The following SLC6A13 variants were observed in gnomAD, a reference collection of about 807,000 sequenced individuals.
SLC6A13 encodes the protein solute carrier family 6 member 13.
In SLC6A13, 69 loss-of-function variants were observed where a neutral mutation model predicts 72.9. The observed-to-expected ratio is 0.95, with a 90% CI of 0.78 to 1.16. SLC6A13 has a LOEUF of 1.16. SLC6A13 is among the 50% of genes most tolerant of loss of function. SLC6A13 has a pLI of 0.00. For synonymous variants in SLC6A13, 303 were observed against 303.0 expected (o/e 1.00, Z 0.00); for missense variants, 735 against 760.5 (o/e 0.97, Z 0.39).
chr12:242,823 A>G, intron 3 of SLC6A13, 69 bp from the exon 4 acceptor site: 1 of 1,453,356 alleles, frequency 6.9e-7, no homozygotes, highest in East Asian at 2.5e-5. Flanking sequence ...CATTTCAGCT[A>G]TGCGGGACGC....
chr12:246,620 T>C (rs963953156), intron 2 of SLC6A13, among the ~76,000 whole-genome samples: 4 of 152,118 alleles, frequency 2.6e-5, no homozygotes, highest in East Asian at 1.9e-4. Flanking sequence ...AAGAAATACA[T>C]TGGATGGGAT....
chr12:227,327 C>T (rs552685321), intron 8 of SLC6A13, among the ~76,000 whole-genome samples: 5 of 152,334 alleles, frequency 3.3e-5, no homozygotes, highest in African/African-American at 9.6e-5. Context: ...AGGCCAGGCA[C>T]CCCTGCTGTG....
chr12:248,709 A>G (rs940182834), intron 2 of SLC6A13, among the ~76,000 whole-genome samples: 13 of 152,218 alleles, frequency 8.5e-5, no homozygotes, highest in African/African-American at 3.1e-4. Flanking sequence ...GCCCTCTCTC[A>G]ATAATTTATA....
intron 11 of SLC6A13, 48 bp downstream of exon 11, chr12:223,944 T>C (rs1482756725): frequency 6.2e-7 from 1 of 1,607,806 alleles, no homozygotes; most frequent in Non-Finnish European, 8.5e-7. Flanking sequence ...GTAGCAGCTG[T>C]CACTTGGCTC....
chr12:259,016 CTATTTA>C (rs1942838797), intron 2 of SLC6A13: 1 of 769,242 alleles, frequency 1.3e-6, no homozygotes, highest in Admixed American at 6.3e-5. Flanking sequence ...AGCAGAGCTA[CTATTTA>C]TTACTTAAGA....
At chr12:221,112 G>A (rs1411203167) in intron 14 of SLC6A13, 42 bp from the exon 15 acceptor site, 2 of 1,549,270 alleles carry the variant, frequency 1.3e-6, no homozygotes, top group East Asian at 2.3e-5. Flanking sequence ...GTGGAGCGGG[G>A]GCAGGTCTGC....
intron 4 of SLC6A13, among the ~76,000 whole-genome samples, chr12:241,867 C>T (rs920232093): frequency 6.6e-6 from 1 of 152,248 alleles, no homozygotes; most frequent in Non-Finnish European, 1.5e-5. Context: ...CTTCAGCCAA[C>T]AGTGGATCAC....
intron 4 of SLC6A13, among the ~76,000 whole-genome samples, chr12:241,560 T>A (rs370075181): frequency 1.5e-4 from 23 of 152,356 alleles, no homozygotes; most frequent in South Asian, 1.0e-3. Flanking sequence ...ACTTGCCACA[T>A]TTCAGGTGCT....
rs2137247174 is a variant in SLC6A13, at chr12:222,626, T to C, written c.1421A>G (p.Lys474Arg). ...GTCTTCGATGTTGTCGTAGAAGCGC[T>C]TGGCTCCTACCATGGAGAAAAGAAG... ...SLCVAWVYGA[K>R]RFYDNIEDMI... is the part of the protein sequence containing the mutation. The change falls in exon 13 of 15, where the codon AAG (lysine) becomes AGG (arginine). Residue 474 changes from lysine to arginine, a missense_variant. Transcript: ENST00000343164. The C allele has an allele frequency of 6.2e-7, 1 of 1,600,824 alleles. No homozygotes were observed. Among genetic ancestry groups the C allele is most frequent in the Non-Finnish European group, 8.5e-7 (1 of 1,170,788 alleles).
intron 4 of SLC6A13, among the ~76,000 whole-genome samples, 179 bp downstream of exon 4, chr12:242,435 T>C (rs1342565774): frequency 2.0e-5 from 3 of 152,284 alleles, no homozygotes; most frequent in Non-Finnish European, 4.4e-5. Context: ...TTTAAAAAGT[T>C]CCTGACATTT....
At chr12:253,642 G>C (rs1052652884) in intron 2 of SLC6A13, 2 of 152,306 alleles carry the variant, frequency 1.3e-5, no homozygotes, top group African/African-American at 4.8e-5. Context: ...GGGGACTCCA[G>C]TCCCAAGTTA....
chr12:249,965 T>G (rs527565291), intron 2 of SLC6A13, among the ~76,000 whole-genome samples: 1 of 152,266 alleles, frequency 6.6e-6, no homozygotes, highest in South Asian at 2.1e-4. Context: ...ATCAACATAG[T>G]GTTGTAGTCT....
At position 221,541 on chromosome 12, in the gene SLC6A13, G is replaced by A. The variant is rs1378181927; in HGVS notation, c.1521C>T (p.Thr507=). The A allele has an allele frequency of 1.3e-6, 2 of 1,585,878 alleles. No homozygotes were observed. Among genetic ancestry groups the A allele is most frequent in the South Asian group, 1.1e-5 (1 of 87,752 alleles). ...TGTACTTTATCAGGGAGAAGAGAAAGGTGGCCTGAGGGGGAGAGCAGAAGA... is the reference window on the plus strand; with the variant it reads ...TGTACTTTATCAGGGAGAAGAGAAAAGTGGCCTGAGGGGGAGAGCAGAAGA... ...LFLTPAVCTA[T]FLFSLIKYTP... The change falls in exon 14 of 15, where the codon ACC becomes ACT. Residue 507 remains threonine, a synonymous_variant. Coordinates refer to ENST00000343164, the MANE Select transcript of SLC6A13 (RefSeq NM_016615.5).
Position 224,101 on chromosome 12 carries a change from GCTGTCACCAGGCTT to G in SLC6A13, c.1188_1201del (p.Glu396AspfsTer47), listed in dbSNP as rs1565488353. 1 of 1,614,144 alleles carries G rather than the reference GCTGTCACCAGGCTT, an allele frequency of 6.2e-7. No homozygotes were observed. The highest frequency in any genetic ancestry group is 8.5e-7 in the Non-Finnish European group (1 of 1,180,018). ...CACGTGAGGGTACATGTCCACCAGCGCTGTCACCAGGCTTTCTACACACACAAACTGGATGACAG... is the reference window on the plus strand; with the variant it reads ...CACGTGAGGGTACATGTCCACCAGCGTCTACACACACAAACTGGATGACAG... On this transcript the variant is annotated frameshift_variant, in exon 11 of 15. Transcript: ENST00000343164. LOFTEE classifies it high-confidence loss of function.
intron 7 of SLC6A13, among the ~76,000 whole-genome samples, chr12:228,418 G>A (rs979760421): frequency 6.6e-6 from 1 of 152,024 alleles, no homozygotes; most frequent in Non-Finnish European, 1.5e-5. Flanking sequence ...TGCCCCTGGC[G>A]ACGTGAGCAC....
chr12:240,452 G>C (rs1312993309), intron 4 of SLC6A13, among the ~76,000 whole-genome samples: 1 of 152,216 alleles, frequency 6.6e-6, no homozygotes, highest in Non-Finnish European at 1.5e-5. Context: ...CGATCCACTG[G>C]CTTCGGCCTC....
At chr12:257,017 C>G (rs1211012493) in intron 2 of SLC6A13, among the ~76,000 whole-genome samples, 1 of 152,150 alleles carries the variant, frequency 6.6e-6, no homozygotes, top group Non-Finnish European at 1.5e-5. Flanking sequence ...TCTCCCCAGC[C>G]TCCTTCCCAC....
intron 2 of SLC6A13, among the ~76,000 whole-genome samples, chr12:246,049 C>T (rs568930492): frequency 7.6e-4 from 115 of 151,516 alleles, no homozygotes; most frequent in Non-Finnish European, 1.2e-3. Flanking sequence ...ACCCAGGAGG[C>T]GGAGGTTGCA....
At chr12:234,829 C>A (rs1438391213) in intron 7 of SLC6A13, among the ~76,000 whole-genome samples, 1 of 152,170 alleles carries the variant, frequency 6.6e-6, no homozygotes, top group African/African-American at 2.4e-5. Flanking sequence ...CCTTTACTTT[C>A]TTAATAAGCT....
Sources: allele counts gnomAD v4.1 joint callset (sites outside exome capture counted in the v4.1 genomes callset), GRCh38; gene constraint gnomAD v4.1.1; transcripts MANE v1.5; gene names NCBI Gene and HGNC (gene_info 2026-07-23, HGNC 2026-07-21).